FREM1: variants seen among roughly 807,000 people sequenced by gnomAD.
The protein encoded by FREM1 is FRAS1-related extracellular matrix protein 1.
Under a neutral mutation model 210.1 loss-of-function variants are expected in FREM1, and 220 were observed. The ratio of observed to expected loss-of-function variants is 1.05; its 90% CI spans 0.94 to 1.17. The LOEUF is 1.17. FREM1 is among the 50% of genes most tolerant of loss of function. FREM1 has a pLI of 0.00. For synonymous variants in FREM1, 1,189 were observed against 980.2 expected (o/e 1.21, Z -3.98); for missense variants, 3,454 against 2,675.5 (o/e 1.29, Z -6.42).
At chr9:14,861,097 A>AC (rs1564105681) in intron 3 of FREM1, among the ~76,000 whole-genome samples, 1 of 94,808 alleles carries the variant, frequency 1.1e-5, no homozygotes, top group Non-Finnish European at 1.8e-5. Flanking sequence ...ACATATATAT[A>AC]AACATATATA....
intron 1 of FREM1, among the ~76,000 whole-genome samples, chr9:14,899,559 G>A (rs78037850): frequency 0.059 from 9,018 of 152,254 alleles, 331 homozygotes; most frequent in African/African-American, 0.071. Flanking sequence ...GGAGGATACA[G>A]CAATGTAGAA....
chr9:14,752,889 G>C (rs535970758), intron 29 of FREM1, among the ~76,000 whole-genome samples: 21 of 152,232 alleles, frequency 1.4e-4, no homozygotes, highest in South Asian at 6.2e-4. Context: ...AAAAACTTAA[G>C]GTTTTTGTTG....
intron 21 of FREM1, among the ~76,000 whole-genome samples, chr9:14,793,166 A>C (rs1193989683): frequency 6.6e-6 from 1 of 152,214 alleles, no homozygotes; most frequent in Non-Finnish European, 1.5e-5. Flanking sequence ...TGTAAGTTAT[A>C]ATTTATTCTA....
intron 3 of FREM1, among the ~76,000 whole-genome samples, chr9:14,861,148 C>T (rs1241632519): frequency 1.9e-5 from 2 of 105,888 alleles, no homozygotes; most frequent in African/African-American, 4.3e-5. Flanking sequence ...CATATATACA[C>T]ATATATACGT....
chr9:14,834,020 G>A (rs1029108211), intron 10 of FREM1, among the ~76,000 whole-genome samples: 2 of 152,198 alleles, frequency 1.3e-5, no homozygotes, highest in Admixed American at 1.3e-4. Context: ...CAAAGGCTCT[G>A]TTCTGTTTTG....
chr9:14,895,518 T>C lies in FREM1; in HGVS notation c.-268+14396A>G, dbSNP rs181797372. On this transcript the variant is annotated intron_variant, in intron 1 of 36. Transcript: ENST00000380880. The stretch of plus-strand genomic sequence containing the variant: ...TCAATATTCTAATTCTGGGCACATA[T>C]TGGAATCAGCTAACAACTCCATATC... Among the ~76,000 whole-genome samples the C allele has an allele frequency of 1.5e-4, 23 of 152,248 alleles. No individual in the cohort carries two copies. The East Asian group carries it at 4.1e-3, about 27-fold the overall frequency.
intron 2 of FREM1, among the ~76,000 whole-genome samples, 174 bp downstream of exon 2, chr9:14,868,570 G>A (rs940138591): frequency 3.3e-5 from 5 of 152,132 alleles, no homozygotes; most frequent in African/African-American, 7.2e-5. Context: ...GAAAAGCAGC[G>A]CAATACTATG....
At chr9:14,861,688 G>A (rs1588449697) in intron 3 of FREM1, among the ~76,000 whole-genome samples, 1 of 151,710 alleles carries the variant, frequency 6.6e-6, no homozygotes, top group South Asian at 2.1e-4. Context: ...TGTATTTTTA[G>A]TAGAGATGGG....
chr9:14,823,791 A>G (rs975093080), intron 12 of FREM1, among the ~76,000 whole-genome samples: 1 of 152,200 alleles, frequency 6.6e-6, no homozygotes, highest in African/African-American at 2.4e-5. Context: ...AAAACAATAC[A>G]AAAGTCTGTT....
intron 35 of FREM1, among the ~76,000 whole-genome samples, chr9:14,741,557 C>G (rs1176922461): frequency 6.6e-6 from 1 of 152,166 alleles, no homozygotes; most frequent in Non-Finnish European, 1.5e-5. Context: ...TCCTCTCCTC[C>G]CCTCCCCAAC....
chr9:14,831,488 T>C (rs1247603096), intron 10 of FREM1, among the ~76,000 whole-genome samples: 1 of 152,236 alleles, frequency 6.6e-6, no homozygotes, highest in Non-Finnish European at 1.5e-5. Context: ...TTAATCTCGA[T>C]ATTGTCCCAC....
At chr9:14,860,954 C>CACACATAT (rs1564103837) in intron 3 of FREM1, among the ~76,000 whole-genome samples, 26 of 86,050 alleles carry the variant, frequency 3.0e-4, no homozygotes, top group African/African-American at 1.1e-3. Flanking sequence ...TACACATATA[C>CACACATAT]ACATATATAC....
At chr9:14,820,592 G>A (rs1821117643) in intron 13 of FREM1, among the ~76,000 whole-genome samples, 1 of 152,232 alleles carries the variant, frequency 6.6e-6, no homozygotes, top group Non-Finnish European at 1.5e-5. Flanking sequence ...ACGGCACAGT[G>A]CTGGTACCAA....
intron 1 of FREM1, among the ~76,000 whole-genome samples, chr9:14,890,627 C>G (rs932686315): frequency 6.6e-6 from 1 of 152,086 alleles, no homozygotes; most frequent in Non-Finnish European, 1.5e-5. Context: ...TATAGAATGG[C>G]CAGAGGGTAT....
intron 18 of FREM1, among the ~76,000 whole-genome samples, chr9:14,806,203 A>G (rs1471731913): frequency 1.3e-5 from 2 of 152,144 alleles, no homozygotes; most frequent in Non-Finnish European, 2.9e-5. Flanking sequence ...ATTCAAAAGC[A>G]TCAGCTATAA....
intron 33 of FREM1, 27 bp downstream of exon 33, chr9:14,747,233 GGTGA>G (rs763196871): frequency 7.5e-6 from 12 of 1,603,904 alleles, no homozygotes; most frequent in Non-Finnish European, 1.0e-5. Context: ...CTTGTTATAA[GGTGA>G]GTAAGAAGGA....
intron 24 of FREM1, among the ~76,000 whole-genome samples, chr9:14,783,846 A>G (rs1849998371): frequency 6.6e-6 from 1 of 152,230 alleles, no homozygotes; most frequent in African/African-American, 2.4e-5. Context: ...TTATGACAAC[A>G]TGATTTATGA....
chr9:14,745,939 T>G (rs80135867), intron 35 of FREM1, among the ~76,000 whole-genome samples: 214 of 152,320 alleles, frequency 1.4e-3, no homozygotes, highest in Admixed American at 2.4e-3. Flanking sequence ...CATTACTATA[T>G]ACTTTCAATT....
rs1829327511 is a variant in FREM1, at chr9:14,859,076, T to TA, written c.631+106dup. 4 of 908,850 alleles carry TA rather than the reference T, an allele frequency of 4.4e-6. No individual in the cohort carries two copies. In the Admixed American group the frequency reaches 8.9e-5, roughly 20 times the overall value. The allele number at this position is 908,850 out of a possible 1,614,324, so 56.3% of individuals were successfully genotyped here. A position where few individuals can be genotyped will look rare whatever the true frequency, so the allele number is the denominator to read the frequency against. ...CACTAACTGACACTGTTCAGCCAGC[T>TA]AAAATGACTAGTTAACTAGAACTCT... On this transcript the variant is annotated intron_variant, in intron 4 of 36. Transcript: ENST00000380880.
Sources: gnomAD v4.1 joint callset for allele counts (sites outside exome capture counted in the v4.1 genomes callset) on GRCh38, gnomAD v4.1.1 for gene constraint, MANE v1.5 for transcripts, NCBI Gene and HGNC (gene_info 2026-07-23, HGNC 2026-07-21) for gene names.